ORC4: variants seen among roughly 807,000 people sequenced by gnomAD.
The protein encoded by ORC4 is origin recognition complex subunit 4.
Under a neutral mutation model 63.9 loss-of-function variants are expected in ORC4, and 55 were observed. That is an observed-to-expected ratio of 0.86 (90% CI 0.69 to 1.08). The LOEUF (loss-of-function observed/expected upper bound fraction) is 1.08. Ranked by LOEUF, ORC4 falls within the 50% of genes least tolerant of loss-of-function variation. The pLI is 0.00. For missense variants in ORC4, 511 were observed against 504.4 expected (o/e 1.01, Z -0.13); for synonymous variants, 150 against 168.5 (o/e 0.89, Z 0.85).
intron 1 of ORC4, among the ~76,000 whole-genome samples, chr2:148,010,814 A>T (rs1219885323): frequency 1.4e-5 from 2 of 147,344 alleles, no homozygotes; most frequent in African/African-American, 5.0e-5. Flanking sequence ...ATCAAGGAGG[A>T]TCTCCAAATT....
At chr2:148,019,600 A>T (rs1693557668) in intron 1 of ORC4, among the ~76,000 whole-genome samples, 1 of 152,256 alleles carries the variant, frequency 6.6e-6, no homozygotes, top group African/African-American at 2.4e-5. Context: ...AAAACAAAAA[A>T]CAAACAAAAA....
chr2:148,006,222 T>C (rs1692620316), intron 1 of ORC4, among the ~76,000 whole-genome samples: 2 of 152,076 alleles, frequency 1.3e-5, no homozygotes, highest in Admixed American at 6.5e-5. Context: ...TCAGTGCTGC[T>C]CTGTAACAGC....
chr2:147,998,962 C>G (rs1247760238), intron 1 of ORC4, among the ~76,000 whole-genome samples: 1 of 152,102 alleles, frequency 6.6e-6, no homozygotes. Flanking sequence ...CTGTCAATTC[C>G]AGGTTTCATC....
chr2:147,983,682 T>G (rs542108178), intron 1 of ORC4, among the ~76,000 whole-genome samples: 1 of 152,170 alleles, frequency 6.6e-6, no homozygotes, highest in African/African-American at 2.4e-5. Context: ...GAAAAAGCCA[T>G]GAAAGCCAAC....
rs377026372 is a variant in ORC4, at chr2:147,973,464, C to T, written c.118G>A (p.Val40Met). The change falls in exon 3 of 14, where the codon GTG becomes ATG. Residue 40 changes from valine (V) to methionine (M), a missense_variant. By Grantham distance (21) the Val-to-Met change is conservative. Transcript: ENST00000392857. ...TAGACTTACTTGTATTGTACTTGCA[C>T]TCCAAATAGGTTACTATGTGGACTC... ...RQSPHSNLFG[V>M]QVQYKHLSEL... The T allele has an allele frequency of 4.1e-5, 65 of 1,603,296 alleles. No individual in the cohort carries two copies. Among genetic ancestry groups the T allele is most frequent in the Non-Finnish European group, 5.0e-5 (59 of 1,170,530 alleles).
At chr2:148,000,017 G>C (rs548049268) in intron 1 of ORC4, among the ~76,000 whole-genome samples, 1 of 150,526 alleles carries the variant, frequency 6.6e-6, no homozygotes, top group East Asian at 1.9e-4. Context: ...AGAAATCAAA[G>C]TCTCAAAAGT....
At chr2:147,982,312 T>C (rs901907616) in intron 1 of ORC4, among the ~76,000 whole-genome samples, 2 of 152,232 alleles carry the variant, frequency 1.3e-5, no homozygotes, top group African/African-American at 4.8e-5. Flanking sequence ...TGCTCTTGAC[T>C]ATCAGCCAAA....
chr2:148,004,005 C>T lies in ORC4; in HGVS notation c.-18+16628G>A, dbSNP rs547215556. On this transcript the variant is annotated intron_variant, in intron 1 of 13. Transcript: ENST00000392857. ...GCCAAGTCATGAGTGAACTCCCATTCGCAATTCCTACAAAGAGAATAAAAT... is the reference window on the plus strand; with the variant it reads ...GCCAAGTCATGAGTGAACTCCCATTTGCAATTCCTACAAAGAGAATAAAAT... 3.1e-4 allele frequency among the ~76,000 whole-genome samples: 47 copies of T among 152,226 alleles called. 1 individual carries two copies. The highest frequency in any genetic ancestry group is 1.1e-3 in the Admixed American group (17 of 15,286).
At chr2:147,978,592 G>A (rs1690697154) in intron 1 of ORC4, among the ~76,000 whole-genome samples, 1 of 152,178 alleles carries the variant, frequency 6.6e-6, no homozygotes, top group Non-Finnish European at 1.5e-5. Context: ...GTCCGCAGTT[G>A]GGACTGAGGA....
intron 1 of ORC4, among the ~76,000 whole-genome samples, chr2:147,986,497 G>A (rs1691207148): frequency 6.6e-6 from 1 of 151,866 alleles, no homozygotes; most frequent in African/African-American, 2.4e-5. Flanking sequence ...GAATTCACTG[G>A]GACTCAGCCT....
intron 1 of ORC4, among the ~76,000 whole-genome samples, chr2:147,998,441 T>C (rs1057149007): frequency 2.0e-5 from 3 of 152,236 alleles, no homozygotes; most frequent in Admixed American, 6.5e-5. Context: ...CTGGCTCTCA[T>C]GAGACTGGAT....
chr2:148,003,236 G>A (rs1207721445), intron 1 of ORC4, among the ~76,000 whole-genome samples: 2 of 152,168 alleles, frequency 1.3e-5, no homozygotes, highest in Non-Finnish European at 1.5e-5. Flanking sequence ...AAAAGAAAAA[G>A]AGGGACTCCT....
Position 147,935,593 on chromosome 2 carries a change from G to C in ORC4, c.1228C>G (p.Gln410Glu). The change falls in exon 14 of 14, where the codon CAA becomes GAA. Residue 410 changes from glutamine (Q) to glutamate (E), a missense_variant. Transcript: ENST00000392857. ...QLMKLLLDNT[Q>E]IMNALQKYPN... ...TATTTCTGCAGAGCATTCATAATTT[G>C]AGTATTATCCAAAAGCAGTTTCATC... is the stretch of plus-strand genomic sequence containing the variant. 1 of 1,613,588 alleles carries C rather than the reference G, an allele frequency of 6.2e-7. No homozygotes were observed. The highest frequency in any genetic ancestry group is 8.5e-7 in the Non-Finnish European group (1 of 1,179,598).
intron 13 of ORC4, among the ~76,000 whole-genome samples, chr2:147,937,807 C>T (rs1688134385): frequency 6.6e-6 from 1 of 152,028 alleles, no homozygotes; most frequent in Admixed American, 6.6e-5. Flanking sequence ...CTTAATGGCT[C>T]TAATTTTCAT....
intron 1 of ORC4, among the ~76,000 whole-genome samples, chr2:147,989,310 G>A (rs1691428398): frequency 6.6e-6 from 1 of 152,120 alleles, no homozygotes. Flanking sequence ...CATAACTGAA[G>A]TCCCATACTA....
chr2:148,002,909 TA>T (rs1692403685), intron 1 of ORC4, among the ~76,000 whole-genome samples: 1 of 151,820 alleles, frequency 6.6e-6, no homozygotes, highest in South Asian at 2.1e-4. Context: ...ATAGACACAA[TA>T]AAAAATGATA....
At chr2:147,984,116 A>T (rs2105376672) in intron 1 of ORC4, among the ~76,000 whole-genome samples, 1 of 152,286 alleles carries the variant, frequency 6.6e-6, no homozygotes, top group East Asian at 1.9e-4. Context: ...ATTTTAAAAG[A>T]AATTAGAAAC....
chr2:147,955,408 A>C lies in ORC4; in HGVS notation c.388-13T>G. ...CAGCAAAGCTTCCCTGAACAACAAAATGAGATAAAATGATTAAAAGTTTAG... is the reference window on the plus strand; with the variant it reads ...CAGCAAAGCTTCCCTGAACAACAAACTGAGATAAAATGATTAAAAGTTTAG... On this transcript the variant is annotated splice_polypyrimidine_tract_variant and intron_variant, in intron 6 of 13. Coordinates refer to ENST00000392857, the MANE Select transcript of ORC4 (RefSeq NM_181741.4). 6.3e-7 allele frequency: 1 copy of C among 1,581,874 alleles called. No homozygotes were observed. The highest frequency in any genetic ancestry group is 8.7e-7 in the Non-Finnish European group (1 of 1,153,216).
chr2:147,937,740 A>G (rs1358147409), intron 13 of ORC4, among the ~76,000 whole-genome samples: 1 of 152,186 alleles, frequency 6.6e-6, no homozygotes, highest in African/African-American at 2.4e-5. Flanking sequence ...CTCAGCCCCC[A>G]AATAACACTT....
Sources: allele counts gnomAD v4.1 joint callset (sites outside exome capture counted in the v4.1 genomes callset), GRCh38; gene constraint gnomAD v4.1.1; transcripts MANE v1.5; gene names NCBI Gene and HGNC (gene_info 2026-07-23, HGNC 2026-07-21).